NCOR2: variants seen among roughly 807,000 people sequenced by gnomAD.
NCOR2 encodes nuclear receptor corepressor 2.
Under a neutral mutation model 262.9 loss-of-function variants are expected in NCOR2, and 81 were observed. That is an observed-to-expected ratio of 0.31 (90% CI 0.26 to 0.37). The LOEUF (loss-of-function observed/expected upper bound fraction) is 0.37. Ranked by LOEUF, NCOR2 falls within the 10% of genes least tolerant of loss-of-function variation. NCOR2 has a pLI of 1.00. For missense variants in NCOR2, 3,385 were observed against 3,621.4 expected (o/e 0.93, Z 1.68); for synonymous variants, 1,659 against 1,559.3 (o/e 1.06, Z -1.51).
chr12:124,536,668 G>A (rs2051123657), upstream of NCOR2, among the ~76,000 whole-genome samples: 1 of 152,234 alleles, frequency 6.6e-6, no homozygotes, highest in East Asian at 1.9e-4. Flanking sequence ...GTGCTGGTGA[G>A]AACAAGGAGC....
chr12:124,367,555 T>C (rs1236608696), intron 20 of NCOR2, among the ~76,000 whole-genome samples: 1 of 152,196 alleles, frequency 6.6e-6, no homozygotes, highest in East Asian at 1.9e-4. Flanking sequence ...GTAGCCATGC[T>C]GGAGGAGCGC....
chr12:124,364,581 C>T (rs935297451), intron 20 of NCOR2, among the ~76,000 whole-genome samples: 3 of 152,210 alleles, frequency 2.0e-5, no homozygotes, highest in Middle Eastern at 3.2e-3. Context: ...GTACACGGTG[C>T]CTGGCAGAGC....
chr12:124,505,703 C>T (rs899001847), intron 1 of NCOR2, among the ~76,000 whole-genome samples: 53 of 152,274 alleles, frequency 3.5e-4, no homozygotes, highest in African/African-American at 1.2e-3. Context: ...GTGCAGTTCT[C>T]GGCCCACAGA....
chr12:124,543,831 C>G (rs1338661794), intron 1 of NCOR2, among the ~76,000 whole-genome samples: 1 of 152,222 alleles, frequency 6.6e-6, no homozygotes, highest in Non-Finnish European at 1.5e-5. Context: ...GCCAGCTGTC[C>G]GTCCACCTGT....
intron 16 of NCOR2, among the ~76,000 whole-genome samples, chr12:124,395,545 A>T (rs1383875505): frequency 6.6e-6 from 1 of 152,216 alleles, no homozygotes; most frequent in Non-Finnish European, 1.5e-5. Flanking sequence ...GCTCACTGTC[A>T]TCACTGAGGA....
intron 1 of NCOR2, among the ~76,000 whole-genome samples, chr12:124,525,693 G>A (rs79564982): frequency 0.1 from 15,940 of 152,244 alleles, 1,046 homozygotes; most frequent in East Asian, 0.15. Flanking sequence ...GGCTGGCTGC[G>A]GCAGTGATCG....
exon 36 of NCOR2, chr12:124,340,387 C>G: frequency 1.2e-6 from 2 of 1,613,078 alleles, no homozygotes; most frequent in Non-Finnish European, 1.7e-6. Context: ...CGATCCCGGT[C>G]TCGCTCCCGC....
chr12:124,332,825 C>T (rs2035322648), intron 42 of NCOR2, among the ~76,000 whole-genome samples: 1 of 152,190 alleles, frequency 6.6e-6, no homozygotes, highest in Non-Finnish European at 1.5e-5. Flanking sequence ...TCACCCATCG[C>T]CCCCGGTCTG....
exon 34 of NCOR2, chr12:124,341,947 G>A: frequency 1.2e-6 from 2 of 1,613,330 alleles, no homozygotes; most frequent in Non-Finnish European, 1.7e-6. Context: ...AGGTGATGTA[G>A]TCATTGATGA....
intron 1 of NCOR2, among the ~76,000 whole-genome samples, chr12:124,492,396 C>T (rs1296199832): frequency 6.6e-6 from 1 of 152,192 alleles, no homozygotes; most frequent in Non-Finnish European, 1.5e-5. Flanking sequence ...ACACTGAGGT[C>T]TCACAGGCTC....
chr12:124,397,261 T>A lies in NCOR2; in HGVS notation c.1876+858A>T, dbSNP rs185022680. Among the ~76,000 whole-genome samples the A allele has an allele frequency of 2.8e-3, 421 of 152,300 alleles. 4 individuals carry two copies. Among genetic ancestry groups the A allele is most frequent in the African/African-American group, 9.6e-3 (401 of 41,574 alleles). ...GGCACGGCCGAGGGAGGGAGGAGATTCGCTCCCACTCAGCCCACCATGGGC... is the reference window on the plus strand; with the variant it reads ...GGCACGGCCGAGGGAGGGAGGAGATACGCTCCCACTCAGCCCACCATGGGC... On this transcript the variant is annotated intron_variant, in intron 16 of 46. Transcript: ENST00000405201.
upstream of NCOR2, among the ~76,000 whole-genome samples, chr12:124,536,477 A>C (rs2051117280): frequency 6.6e-6 from 1 of 152,252 alleles, no homozygotes; most frequent in African/African-American, 2.4e-5. Flanking sequence ...AATATGAGCC[A>C]GTCAGTCCAA....
chr12:124,502,303 G>T (rs895126694), intron 1 of NCOR2, among the ~76,000 whole-genome samples: 2 of 152,248 alleles, frequency 1.3e-5, no homozygotes, highest in Non-Finnish European at 2.9e-5. Context: ...TGTGAAAGGT[G>T]CTGGGGATAC....
chr12:124,343,028 G>A (rs1278856253), exon 33 of NCOR2: 1 of 1,611,468 alleles, frequency 6.2e-7, no homozygotes, highest in Admixed American at 1.7e-5. Flanking sequence ...GATGCCGCGG[G>A]GTATGGAGGT....
chr12:124,433,952 C>G (rs560529302), intron 8 of NCOR2, among the ~76,000 whole-genome samples: 1 of 151,812 alleles, frequency 6.6e-6, no homozygotes, highest in East Asian at 1.9e-4. Flanking sequence ...GCCCCCCACC[C>G]CCGCCAGCTA....
At chr12:124,521,108 G>C (rs901544078) in intron 1 of NCOR2, among the ~76,000 whole-genome samples, 4 of 152,210 alleles carry the variant, frequency 2.6e-5, no homozygotes, top group Non-Finnish European at 5.9e-5. Flanking sequence ...TGGGGCCCAG[G>C]GGGGAGGTGG....
At chr12:124,344,442 G>A (rs1002382885) in intron 32 of NCOR2, among the ~76,000 whole-genome samples, 155 bp downstream of exon 34, 17 of 152,166 alleles carry the variant, frequency 1.1e-4, no homozygotes, top group Admixed American at 5.2e-4. Context: ...GTTTGGAATC[G>A]GAGGCAGAGC....
chr12:124,444,253 G>T (rs564110114), intron 7 of NCOR2, among the ~76,000 whole-genome samples: 5 of 152,200 alleles, frequency 3.3e-5, no homozygotes, highest in Non-Finnish European at 5.9e-5. Flanking sequence ...TGGAGGCATG[G>T]GGTAAGCAGC....
At chr12:124,325,374 ACCGCCC>A in exon 47 of NCOR2, 1 of 316,292 alleles carries the variant, frequency 3.2e-6, no homozygotes, top group Non-Finnish European at 4.4e-6. Context: ...GGGACCTGAC[ACCGCCC>A]CCCCCCCCGC....
Sources: gnomAD v4.1 joint callset for allele counts (sites outside exome capture counted in the v4.1 genomes callset) on GRCh38, gnomAD v4.1.1 for gene constraint, MANE v1.5 for transcripts, NCBI Gene and HGNC (gene_info 2026-07-23, HGNC 2026-07-21) for gene names.